Variants in CEP70 observed in about 807,000 individuals in gnomAD.
CEP70 encodes the protein centrosomal protein of 70 kDa.
Under a neutral mutation model 90.9 loss-of-function variants are expected in CEP70, and 70 were observed. The ratio of observed to expected loss-of-function variants is 0.77; its 90% CI spans 0.64 to 0.94. The LOEUF is 0.94. Among genes scored for constraint, CEP70 ranks in the 40% least tolerant of loss-of-function variants. The pLI, the probability that CEP70 is intolerant of heterozygous loss-of-function variation, is 0.00. For missense variants in CEP70, 648 were observed against 669.0 expected, an observed-to-expected ratio of 0.97 and a Z score of 0.35; for synonymous variants, 220 against 228.3, an observed-to-expected ratio of 0.96 and a Z score of 0.33.
chr3:138,564,011 G>C (rs576128214), intron 6 of CEP70, among the ~76,000 whole-genome samples: 1 of 152,168 alleles, frequency 6.6e-6, no homozygotes, highest in African/African-American at 2.4e-5. Flanking sequence ...AATGATAAAG[G>C]GGATATCCCC....
chr3:138,525,024 A>T (rs370019243), intron 11 of CEP70, among the ~76,000 whole-genome samples: 102 of 152,290 alleles, frequency 6.7e-4, no homozygotes, highest in African/African-American at 2.3e-3. Flanking sequence ...CAAATGTCCA[A>T]CAATGATAGA....
At chr3:138,505,777 G>A (rs978592819) in intron 12 of CEP70, among the ~76,000 whole-genome samples, 3 of 152,146 alleles carry the variant, frequency 2.0e-5, no homozygotes, top group Non-Finnish European at 4.4e-5. Flanking sequence ...GTCCCATCTT[G>A]AAAGCAGTCA....
chr3:138,579,346 C>G (rs1441120677), intron 2 of CEP70, among the ~76,000 whole-genome samples: 2 of 152,042 alleles, frequency 1.3e-5, no homozygotes, highest in Non-Finnish European at 2.9e-5. Context: ...AGCTAGTGCT[C>G]TTGAGGGGCA....
intron 7 of CEP70, among the ~76,000 whole-genome samples, chr3:138,534,569 T>G (rs992818814): frequency 6.6e-6 from 1 of 152,170 alleles, no homozygotes; most frequent in African/African-American, 2.4e-5. Flanking sequence ...AATAAAATAG[T>G]GGGAAAGTAA....
chr3:138,518,122 G>A (rs1377112557), intron 11 of CEP70, among the ~76,000 whole-genome samples: 1 of 152,204 alleles, frequency 6.6e-6, no homozygotes, highest in African/African-American at 2.4e-5. Context: ...CAAGGCGGCA[G>A]CGAGGCTGTG....
intron 14 of CEP70, 67 bp from the exon 15 acceptor site, chr3:138,500,634 A>G: frequency 2.6e-6 from 4 of 1,518,806 alleles, no homozygotes; most frequent in Non-Finnish European, 2.6e-6. Context: ...AAAAACTTTT[A>G]AAAGACAAAT....
At chr3:138,523,870 T>A (rs1397404067) in intron 11 of CEP70, among the ~76,000 whole-genome samples, 3 of 151,448 alleles carry the variant, frequency 2.0e-5, no homozygotes, top group Non-Finnish European at 4.4e-5. Flanking sequence ...ATTGGAAAAA[T>A]CTACTTTAAA....
chr3:138,573,086 A>C, intron 2 of CEP70, 154 bp from the exon 3 acceptor site: 1 of 602,242 alleles, frequency 1.7e-6, no homozygotes, highest in African/African-American at 1.8e-5. Flanking sequence ...CTGCGTCAAA[A>C]CTTTGTGACT....
At chr3:138,540,037 G>A (rs1055730814) in intron 6 of CEP70, among the ~76,000 whole-genome samples, 3 of 152,176 alleles carry the variant, frequency 2.0e-5, no homozygotes, top group Admixed American at 6.5e-5. Flanking sequence ...CCTACAGAAT[G>A]GGAGGAGACA....
chr3:138,571,623 C>A (rs2041181915), intron 3 of CEP70, among the ~76,000 whole-genome samples: 1 of 152,082 alleles, frequency 6.6e-6, no homozygotes, highest in Admixed American at 6.6e-5. Context: ...ACAACAACAA[C>A]AAAAACACCT....
chr3:138,527,285 C>T (rs1235440002), intron 10 of CEP70, among the ~76,000 whole-genome samples: 4 of 151,244 alleles, frequency 2.6e-5, no homozygotes, highest in Non-Finnish European at 5.9e-5. Context: ...ACCTCAGCCT[C>T]CTTAGTAGCT....
chr3:138,557,194 TC>T (rs1560405333), intron 6 of CEP70, among the ~76,000 whole-genome samples: 2 of 152,240 alleles, frequency 1.3e-5, no homozygotes, highest in Non-Finnish European at 2.9e-5. Context: ...ATGGCTCTGT[TC>T]CGCCCAGCTC....
chr3:138,508,570 A>G, intron 11 of CEP70, 26 bp from the exon 12 acceptor site: 1 of 1,418,994 alleles, frequency 7.0e-7, no homozygotes, highest in Non-Finnish European at 1.0e-6. Flanking sequence ...AAATCAAGAT[A>G]ATACAAAATT....
intron 6 of CEP70, among the ~76,000 whole-genome samples, chr3:138,569,177 C>G (rs1199380277): frequency 6.6e-6 from 1 of 152,066 alleles, no homozygotes; most frequent in Non-Finnish European, 1.5e-5. Context: ...CATACTAGAG[C>G]CCCCTAGTAT....
chr3:138,497,291 C>G, intron 17 of CEP70: 1 of 1,263,374 alleles, frequency 7.9e-7, no homozygotes, highest in East Asian at 5.7e-5. Flanking sequence ...ATTTTCATAC[C>G]AAGCTTCATC....
intron 17 of CEP70, chr3:138,496,706 TAAA>T: frequency 1.0e-6 from 1 of 985,354 alleles, no homozygotes; most frequent in Non-Finnish European, 1.2e-6. Flanking sequence ...ACCTATTAAT[TAAA>T]AAAACTGTCA....
chr3:138,517,464 T>C (rs2036142152), intron 11 of CEP70, among the ~76,000 whole-genome samples: 6 of 151,898 alleles, frequency 4.0e-5, no homozygotes, highest in Admixed American at 3.9e-4. Context: ...GGTCAGGAGA[T>C]CCACACAGTG....
At chr3:138,588,616 T>G (rs1452284320) in intron 2 of CEP70, among the ~76,000 whole-genome samples, 1 of 152,212 alleles carries the variant, frequency 6.6e-6, no homozygotes, top group Non-Finnish European at 1.5e-5. Context: ...GAACTAGAAC[T>G]CTCATATACT....
At chr3:138,590,163 G>T (rs1007720113) in intron 2 of CEP70, among the ~76,000 whole-genome samples, 1 of 152,100 alleles carries the variant, frequency 6.6e-6, no homozygotes, top group Non-Finnish European at 1.5e-5. Flanking sequence ...CATATTGATG[G>T]TGATTTCAGA....
Sources: gnomAD v4.1 joint callset for allele counts (sites outside exome capture counted in the v4.1 genomes callset) on GRCh38, gnomAD v4.1.1 for gene constraint, MANE v1.5 for transcripts, NCBI Gene and HGNC (gene_info 2026-07-23, HGNC 2026-07-21) for gene names.